Variants in TAX1BP1 observed in about 807,000 individuals in gnomAD.
The protein encoded by TAX1BP1 is Tax1 binding protein 1.
Under a neutral mutation model 97.7 loss-of-function variants are expected in TAX1BP1, and 62 were observed. The observed-to-expected ratio is 0.63, with a 90% CI of 0.52 to 0.78. The LOEUF (loss-of-function observed/expected upper bound fraction) is 0.78. TAX1BP1 is among the 30% of genes least tolerant of loss of function. TAX1BP1 has a pLI of 0.00. For missense variants in TAX1BP1, 867 were observed against 916.1 expected, an observed-to-expected ratio of 0.95 and a Z score of 0.69; for synonymous variants, 340 against 304.2, an observed-to-expected ratio of 1.12 and a Z score of -1.23.
intron 12 of TAX1BP1, among the ~76,000 whole-genome samples, chr7:27,797,275 G>A (rs766811929): frequency 1.7e-4 from 26 of 152,090 alleles, no homozygotes; most frequent in Non-Finnish European, 3.5e-4. Flanking sequence ...GGGATTACAG[G>A]CATGAGCCAC....
At position 27,794,325 on chromosome 7, in the gene TAX1BP1, T is replaced by C. The variant is rs1296079737; in HGVS notation, c.1413T>C (p.Ala471=). 6.2e-7 allele frequency: 1 copy of C among 1,601,428 alleles called. No homozygotes were observed. Among genetic ancestry groups the C allele is most frequent in the Admixed American group, 1.7e-5 (1 of 59,258 alleles). Residue 471 remains alanine, a splice_region_variant and synonymous_variant, in exon 11 of 17, where the codon GCT becomes GCC. Transcript: ENST00000396319. ...KQINKLSDQS[A]NNNNVFTKKT... ...CAACTTATTAACATTTTGAATAGGCTAATAATAATAATGTCTTCACAAAGA... is the reference window on the plus strand; with the variant it reads ...CAACTTATTAACATTTTGAATAGGCCAATAATAATAATGTCTTCACAAAGA...
At position 27,793,106 on chromosome 7, in the gene TAX1BP1, T is replaced by A; in HGVS notation, c.1304T>A (p.Val435Asp). Reference protein sequence around the residue: ...DTLEHELRREVEDLKLRLQMA... With the variant: ...DTLEHELRREDEDLKLRLQMA... The stretch of plus-strand genomic sequence containing the variant: ...CTGGAACACGAACTAAGAAGAGAAG[T>A]TGAAGATCTGAAACTCCGTCTTCAG... The change falls in exon 10 of 17, where the codon GTT (valine) becomes GAT (aspartate). Residue 435 changes from valine to aspartate, a missense_variant. Val to Asp is a radical substitution (Grantham distance 152). Coordinates refer to ENST00000396319, the MANE Select transcript of TAX1BP1 (RefSeq NM_006024.7). 6.2e-7 allele frequency: 1 copy of A among 1,604,250 alleles called. No homozygotes were observed. Among genetic ancestry groups the A allele is most frequent in the Non-Finnish European group, 8.5e-7 (1 of 1,177,910 alleles).
chr7:27,744,211 G>A (rs1787731827), intron 1 of TAX1BP1, among the ~76,000 whole-genome samples: 1 of 152,036 alleles, frequency 6.6e-6, no homozygotes, highest in African/African-American at 2.4e-5. Flanking sequence ...TGCAGGCTCC[G>A]CCCCCCAGGG....
rs924438881 is a variant in TAX1BP1 at position 27,829,092 on chromosome 7, C to T, written c.*263C>T. Reference sequence around the variant, plus strand: ...GTATCTTTATTTATTCCCTAGTTTGCAGAACTGTCTGAATAAAGGATACAA... The same window carrying T: ...GTATCTTTATTTATTCCCTAGTTTGTAGAACTGTCTGAATAAAGGATACAA... On this transcript the variant is annotated 3_prime_UTR_variant, in exon 17 of 17. Transcript: ENST00000396319. The T allele has an allele frequency of 2.3e-5, 8 of 341,726 alleles. No individual in the cohort carries two copies. The highest frequency in any genetic ancestry group is 1.3e-4 in the African/African-American group (6 of 47,552). The allele number at this position is 341,726 out of a possible 1,614,324, so 21.2% of individuals were successfully genotyped here. A position where few individuals can be genotyped will look rare whatever the true frequency, so the allele number is the denominator to read the frequency against.
intron 15 of TAX1BP1, among the ~76,000 whole-genome samples, chr7:27,820,530 A>G (rs1790936048): frequency 6.6e-6 from 1 of 152,180 alleles, no homozygotes; most frequent in Non-Finnish European, 1.5e-5. Flanking sequence ...TTTAATTTTA[A>G]TGTGTTTTCT....
intron 4 of TAX1BP1, among the ~76,000 whole-genome samples, chr7:27,769,022 G>T (rs1788745174): frequency 6.6e-6 from 1 of 151,780 alleles, no homozygotes; most frequent in Non-Finnish European, 1.5e-5. Flanking sequence ...TTAGAATATT[G>T]AAGTTTATAT....
At chr7:27,814,435 A>T (rs1363541802) in intron 13 of TAX1BP1, among the ~76,000 whole-genome samples, 1 of 152,016 alleles carries the variant, frequency 6.6e-6, no homozygotes, top group South Asian at 2.1e-4. Flanking sequence ...TAGGCATTGT[A>T]TTGTATCTAT....
At chr7:27,809,414 G>C (rs1371334549) in intron 13 of TAX1BP1, among the ~76,000 whole-genome samples, 9 of 152,212 alleles carry the variant, frequency 5.9e-5, no homozygotes, top group Admixed American at 5.9e-4. Flanking sequence ...TTAGAAGTTA[G>C]TGAATAGATA....
chr7:27,790,592 A>G (rs560290093), intron 8 of TAX1BP1, among the ~76,000 whole-genome samples: 2 of 152,076 alleles, frequency 1.3e-5, no homozygotes, highest in South Asian at 2.1e-4. Context: ...TCATGTTGGT[A>G]GACATTTTAG....
chr7:27,810,207 C>CT (rs61226834), intron 13 of TAX1BP1, among the ~76,000 whole-genome samples: 6,124 of 143,224 alleles, frequency 0.043, 304 homozygotes, highest in African/African-American at 0.12. Context: ...ACGCACAGCC[C>CT]TTTTTTTTTT....
At chr7:27,819,596 C>T (rs1790899293) in intron 15 of TAX1BP1, among the ~76,000 whole-genome samples, 1 of 152,168 alleles carries the variant, frequency 6.6e-6, no homozygotes, top group Non-Finnish European at 1.5e-5. Flanking sequence ...GCAGATGCTC[C>T]TCAACTTACG....
chr7:27,802,185 T>C (rs1199571640), intron 13 of TAX1BP1, among the ~76,000 whole-genome samples: 1 of 152,222 alleles, frequency 6.6e-6, no homozygotes, highest in African/African-American at 2.4e-5. Flanking sequence ...AAATGGAATT[T>C]CGGTGCTAGT....
chr7:27,799,643 A>G (rs1790058711), intron 12 of TAX1BP1, among the ~76,000 whole-genome samples: 1 of 152,196 alleles, frequency 6.6e-6, no homozygotes, highest in Admixed American at 6.5e-5. Context: ...TAGATATTGT[A>G]TTATAACTGT....
chr7:27,748,809 A>G (rs1787921035), intron 2 of TAX1BP1, 123 bp downstream of exon 2: 2 of 666,288 alleles, frequency 3.0e-6, no homozygotes, highest in Non-Finnish European at 4.4e-6. Flanking sequence ...AAACATCACC[A>G]TGAAATATTT....
At chr7:27,792,443 G>T (rs73684055) in intron 9 of TAX1BP1, among the ~76,000 whole-genome samples, 3,636 of 152,258 alleles carry the variant, frequency 0.024, 71 homozygotes, top group East Asian at 0.082. Flanking sequence ...TTAATGGTTG[G>T]TGAAAGCTGC....
At chr7:27,754,897 T>C (rs1451446928) in intron 2 of TAX1BP1, among the ~76,000 whole-genome samples, 4 of 152,204 alleles carry the variant, frequency 2.6e-5, no homozygotes, top group African/African-American at 7.2e-5. Flanking sequence ...TTTTTTCTAA[T>C]GCATATATTT....
chr7:27,749,838 G>T (rs905237404), intron 2 of TAX1BP1, among the ~76,000 whole-genome samples: 2 of 152,012 alleles, frequency 1.3e-5, no homozygotes, highest in Admixed American at 6.6e-5. Flanking sequence ...TATCACTCAG[G>T]CTGGAGTGCA....
At chr7:27,785,359 T>C (rs1422786564) in intron 6 of TAX1BP1, 40 bp from the exon 7 acceptor site, 1 of 1,594,630 alleles carries the variant, frequency 6.3e-7, no homozygotes, top group Non-Finnish European at 8.5e-7. Flanking sequence ...ATTTTAAAAC[T>C]TTAAAACATT....
chr7:27,750,484 A>C (rs1054241526), intron 2 of TAX1BP1, among the ~76,000 whole-genome samples: 1 of 152,214 alleles, frequency 6.6e-6, no homozygotes, highest in African/African-American at 2.4e-5. Flanking sequence ...GCAGAGGCTT[A>C]GAGGTAGGAA....
Sources: allele counts gnomAD v4.1 joint callset (sites outside exome capture counted in the v4.1 genomes callset), GRCh38; gene constraint gnomAD v4.1.1; transcripts MANE v1.5; gene names NCBI Gene and HGNC (gene_info 2026-07-23, HGNC 2026-07-21).